PTPRD: variants seen among roughly 807,000 people sequenced by gnomAD.
PTPRD encodes the protein protein tyrosine phosphatase receptor type D.
A neutral mutation model predicts 214.5 loss-of-function variants in PTPRD; 34 were observed. The ratio of observed to expected loss-of-function variants is 0.16; its 90% CI spans 0.12 to 0.21. The LOEUF (loss-of-function observed/expected upper bound fraction) is 0.21. Ranked by LOEUF, PTPRD falls within the 10% of genes least tolerant of loss-of-function variation. PTPRD has a pLI of 1.00. For synonymous variants in PTPRD, 1,128 were observed against 845.7 expected (o/e 1.33, Z -5.79); for missense variants, 2,545 against 2,398.7 (o/e 1.06, Z -1.27).
chr9:8,360,458 G>A (rs1253126354), intron 39 of PTPRD, among the ~76,000 whole-genome samples: 1 of 152,126 alleles, frequency 6.6e-6, no homozygotes, highest in East Asian at 1.9e-4. Context: ...ACATTTTAGG[G>A]TTCTTTGCTT....
At chr9:9,910,895 C>T (rs776693355) in intron 5 of PTPRD, among the ~76,000 whole-genome samples, 8 of 152,072 alleles carry the variant, frequency 5.3e-5, no homozygotes, top group African/African-American at 1.9e-4. Flanking sequence ...CAAAACCCAA[C>T]AATCATTACA....
chr9:10,171,674 G>A lies in PTPRD; in HGVS notation c.-544-137884C>T, dbSNP rs1220347073. 5.3e-5 allele frequency among the ~76,000 whole-genome samples: 8 copies of A among 152,048 alleles called. No individual in the cohort carries two copies. The East Asian group carries it at 1.5e-3, about 29-fold the overall frequency. On this transcript the variant is annotated intron_variant, in intron 3 of 45. Coordinates refer to ENST00000381196, the MANE Select transcript of PTPRD (RefSeq NM_002839.4). The stretch of plus-strand genomic sequence containing the variant: ...TGAGTAGCTGGGACCACAGGCGCCC[G>A]CTACCACGCCCGGCTAATTTTTGTA...
intron 11 of PTPRD, among the ~76,000 whole-genome samples, chr9:8,859,191 G>T (rs2098039559): frequency 6.6e-6 from 1 of 152,200 alleles, no homozygotes; most frequent in South Asian, 2.1e-4. Context: ...AACTTGTTTT[G>T]CTTTCATGCC....
At chr9:9,305,139 C>T (rs1476080571) in intron 9 of PTPRD, among the ~76,000 whole-genome samples, 2 of 151,542 alleles carry the variant, frequency 1.3e-5, no homozygotes, top group East Asian at 1.9e-4. Context: ...CTGCACATTT[C>T]AGCTTCTTTT....
At chr9:9,038,256 AAGGAGCATGAGCCC>A (rs2099628153) in intron 10 of PTPRD, among the ~76,000 whole-genome samples, 1 of 152,132 alleles carries the variant, frequency 6.6e-6, no homozygotes, top group Non-Finnish European at 1.5e-5. Context: ...ATAGCACGTT[AAGGAGCATGAGCCC>A]AGATGGGCAG....
chr9:8,533,063 A>T (rs140882473), intron 14 of PTPRD, among the ~76,000 whole-genome samples: 11 of 152,098 alleles, frequency 7.2e-5, no homozygotes, highest in African/African-American at 2.7e-4. Context: ...TCTGTGAATG[A>T]TCAAGTAACA....
chr9:9,794,646 T>A (rs1255360439), intron 5 of PTPRD, among the ~76,000 whole-genome samples: 1 of 152,176 alleles, frequency 6.6e-6, no homozygotes, highest in Non-Finnish European at 1.5e-5. Flanking sequence ...CATGTGAGAT[T>A]TAATCTGATC....
intron 11 of PTPRD, among the ~76,000 whole-genome samples, chr9:8,805,097 GA>G (rs1566201237): frequency 6.6e-6 from 1 of 152,140 alleles, no homozygotes; most frequent in African/African-American, 2.4e-5. Context: ...CATGGGATCA[GA>G]ACCTATACCT....
At chr9:8,520,617 AC>A (rs1432892134) in intron 20 of PTPRD, among the ~76,000 whole-genome samples, 8 of 152,296 alleles carry the variant, frequency 5.3e-5, no homozygotes, top group African/African-American at 1.7e-4. Flanking sequence ...GGAAAAAAAA[AC>A]GGTACCCTTA....
intron 10 of PTPRD, among the ~76,000 whole-genome samples, chr9:9,127,023 C>G (rs1420716681): frequency 1.3e-5 from 2 of 151,442 alleles, no homozygotes; most frequent in East Asian, 1.9e-4. Flanking sequence ...CACACACACT[C>G]AGGCTGGGAC....
chr9:9,157,842 C>T (rs2099882605), intron 10 of PTPRD, among the ~76,000 whole-genome samples: 1 of 152,126 alleles, frequency 6.6e-6, no homozygotes, highest in African/African-American at 2.4e-5. Context: ...GCCCAATATC[C>T]ACTAGCTATT....
intron 7 of PTPRD, among the ~76,000 whole-genome samples, chr9:9,621,400 G>C (rs2095232177): frequency 6.6e-6 from 1 of 152,110 alleles, no homozygotes; most frequent in Non-Finnish European, 1.5e-5. Context: ...CGCTCATAAA[G>C]ACACAATTTT....
At chr9:9,507,412 G>C (rs1191852404) in intron 8 of PTPRD, among the ~76,000 whole-genome samples, 1 of 150,900 alleles carries the variant, frequency 6.6e-6, no homozygotes, top group Non-Finnish European at 1.5e-5. Flanking sequence ...AAAATGTAAG[G>C]CTTTGTACTA....
At chr9:8,454,765 G>T (rs542459476) in intron 33 of PTPRD, among the ~76,000 whole-genome samples, 1 of 152,008 alleles carries the variant, frequency 6.6e-6, no homozygotes, top group East Asian at 1.9e-4. Context: ...ATAGACCTCT[G>T]ATTATGAACT....
chr9:10,412,290 A>T (rs1278231049), intron 2 of PTPRD, among the ~76,000 whole-genome samples: 1 of 151,846 alleles, frequency 6.6e-6, no homozygotes, highest in African/African-American at 2.4e-5. Context: ...GAACATCTCT[A>T]TGCACACAAA....
intron 14 of PTPRD, among the ~76,000 whole-genome samples, chr9:8,598,538 G>C (rs1289894939): frequency 6.6e-6 from 1 of 152,012 alleles, no homozygotes; most frequent in Non-Finnish European, 1.5e-5. Context: ...AAACAATAAA[G>C]GACATATAAT....
chr9:9,462,568 C>G (rs1170927577), intron 8 of PTPRD, among the ~76,000 whole-genome samples: 4 of 152,056 alleles, frequency 2.6e-5, no homozygotes, highest in African/African-American at 9.7e-5. Context: ...AAATAACAAT[C>G]CAACAATAAA....
chr9:9,815,653 A>T (rs1303996529), intron 5 of PTPRD, among the ~76,000 whole-genome samples: 1 of 152,120 alleles, frequency 6.6e-6, no homozygotes, highest in Non-Finnish European at 1.5e-5. Context: ...AGCAAGATAC[A>T]TATAGTGATG....
At chr9:9,388,763 T>C (rs2064791030) in intron 9 of PTPRD, among the ~76,000 whole-genome samples, 2 of 152,210 alleles carry the variant, frequency 1.3e-5, no homozygotes, top group African/African-American at 2.4e-5. Context: ...GTAAGTAGCA[T>C]ATGTATACTA....
Sources: allele counts gnomAD v4.1 joint callset (sites outside exome capture counted in the v4.1 genomes callset), GRCh38; gene constraint gnomAD v4.1.1; transcripts MANE v1.5; gene names NCBI Gene and HGNC (gene_info 2026-07-23, HGNC 2026-07-21).